The following LSS variants were observed in gnomAD, a reference collection of about 807,000 sequenced individuals.
The protein encoded by LSS is lanosterol synthase, also known as 2,3-epoxysqualene-lanosterol cyclase.
Under a neutral mutation model 110.3 loss-of-function variants are expected in LSS, and 90 were observed. The ratio of observed to expected loss-of-function variants is 0.82; its 90% confidence interval spans 0.69 to 0.97. LSS has a LOEUF of 0.97. Among genes scored for constraint, LSS ranks in the 50% least tolerant of loss-of-function variants. The probability of loss-of-function intolerance (pLI) is 0.00; values close to 1 mark genes in which losing one functional copy is unlikely to be tolerated. For missense variants in LSS, 927 were observed against 990.0 expected, an observed-to-expected ratio of 0.94 and a Z score of 0.85; for synonymous variants, 433 against 400.0, an observed-to-expected ratio of 1.08 and a Z score of -0.98.
intron 11 of LSS, among the ~76,000 whole-genome samples, chr21:46,211,264 T>C (rs899872291): frequency 3.9e-5 from 6 of 152,196 alleles, no homozygotes; most frequent in African/African-American, 7.2e-5. Context: ...GTAGCTGGGA[T>C]TACAGGCTCC....
At chr21:46,192,090 C>T in intron 20 of LSS, 131 bp from the exon 21 acceptor site, 1 of 731,304 alleles carries the variant, frequency 1.4e-6, no homozygotes, top group South Asian at 1.5e-5. Flanking sequence ...AAACTGACGC[C>T]CACAGGCCCC....
At chr21:46,195,354 G>A (rs538336968) in intron 19 of LSS, among the ~76,000 whole-genome samples, 2 of 152,318 alleles carry the variant, frequency 1.3e-5, no homozygotes, top group South Asian at 4.1e-4. Flanking sequence ...GCCGAGGTAG[G>A]AAGACTGCTT....
intron 3 of LSS, among the ~76,000 whole-genome samples, chr21:46,224,035 C>T (rs537440723): frequency 6.6e-6 from 1 of 152,312 alleles, no homozygotes; most frequent in South Asian, 2.1e-4. Flanking sequence ...GGCCTGTCTC[C>T]CTGTGATGCT....
chr21:46,210,500 C>A (rs965230534), intron 12 of LSS, among the ~76,000 whole-genome samples, 188 bp downstream of exon 12: 2 of 152,162 alleles, frequency 1.3e-5, no homozygotes, highest in African/African-American at 4.8e-5. Context: ...AGCCCAACAC[C>A]CAAGGCTGCT....
chr21:46,198,829 C>CAAAAAAAAAAAAAAAAAAAAA (rs35148484), intron 17 of LSS, among the ~76,000 whole-genome samples: 1 of 73,470 alleles, frequency 1.4e-5, no homozygotes, highest in Non-Finnish European at 2.4e-5. Context: ...CATCCACATG[C>CAAAAAAAAAAAAAAAAAAAAA]AAAAAAAAAA....
intron 6 of LSS, 95 bp downstream of exon 6, chr21:46,219,381 C>A: frequency 1.3e-6 from 1 of 793,446 alleles, no homozygotes; most frequent in Non-Finnish European, 1.9e-6. Flanking sequence ...CCACCCCTCT[C>A]TGCTGTCACA....
chr21:46,215,085 A>C, intron 9 of LSS, 95 bp downstream of exon 9: 2 of 991,950 alleles, frequency 2.0e-6, no homozygotes, highest in Non-Finnish European at 3.1e-6. Context: ...GGCTCCAGGA[A>C]ACCCCACTCC....
At chr21:46,208,335 G>A (rs2080081259) in intron 13 of LSS, 34 bp from the exon 14 acceptor site, 1 of 1,539,612 alleles carries the variant, frequency 6.5e-7, no homozygotes, top group Non-Finnish European at 8.8e-7. Flanking sequence ...TGGAAGCAGA[G>A]AACACGTCAC....
rs2080104751 is a variant in LSS, at chr21:46,209,767, G to A, written c.1195-142C>T. 2 of 663,612 alleles carry A rather than the reference G, an allele frequency of 3.0e-6. No homozygotes were observed. The highest frequency in any genetic ancestry group is 3.7e-5 in the South Asian group (2 of 53,814). The allele number at this position is 663,612 out of a possible 1,614,324, so 41.1% of individuals were successfully genotyped here. On this transcript the variant is annotated intron_variant, in intron 12 of 21. Transcript: ENST00000397728. The surrounding 1 kb of genome is among the most constrained non-coding windows in gnomAD (Gnocchi z 4.4). The stretch of plus-strand genomic sequence containing the variant: ...AGCAGACATCTCCAGAGAGTGCCAG[G>A]GTCTCCTGCTGCACTTACCTTTAAA...
In LSS at chr21:46,194,679, A is replaced by G; in HGVS notation, c.1818-18T>C. The G allele has an allele frequency of 1.9e-6, 3 of 1,606,850 alleles. No individual in the cohort carries two copies. The highest frequency in any genetic ancestry group is 2.5e-6 in the Non-Finnish European group (3 of 1,178,398). On this transcript the variant is annotated intron_variant, in intron 19 of 21. Coordinates refer to ENST00000397728, the MANE Select transcript of LSS (RefSeq NM_002340.6). ...AGGCAGTCCTGCAAAGACCAGAGAC[A>G]GGAGACACCATCACACCAAGGAAGG... is the stretch of plus-strand genomic sequence containing the variant.
intron 9 of LSS, 138 bp from the exon 10 acceptor site, chr21:46,213,973 T>G: frequency 1.5e-6 from 1 of 664,694 alleles, no homozygotes; most frequent in African/African-American, 1.8e-5. Context: ...AGGGGCCTTC[T>G]GCTCTAACAG....
chr21:46,228,278 C>T (rs1353956202), intron 2 of LSS, among the ~76,000 whole-genome samples, 156 bp downstream of exon 2: 4 of 152,248 alleles, frequency 2.6e-5, no homozygotes, highest in African/African-American at 7.2e-5. Flanking sequence ...GGGGCTGAAG[C>T]GGAGGGGCCC....
rs2075906 is a variant in LSS, at chr21:46,205,630, C to T, written c.1670+206G>A. Among the ~76,000 whole-genome samples, 130,372 of 152,270 alleles carry T rather than the reference C, an allele frequency of 0.86. 56,413 individuals carry two copies. The highest frequency in any genetic ancestry group is 0.93 in the African/African-American group (38,554 of 41,562). On this transcript the variant is annotated intron_variant, in intron 17 of 21. Coordinates refer to ENST00000397728, the MANE Select transcript of LSS (RefSeq NM_002340.6). The stretch of plus-strand genomic sequence containing the variant: ...AGAGAGAGAAAATCCATTTTTGTAT[C>T]ATAACTGTGCTATTCTGAGCCCCTA...
intron 20 of LSS, chr21:46,192,468 G>T (rs1284028686): frequency 8.8e-6 from 4 of 454,190 alleles, no homozygotes; most frequent in Non-Finnish European, 8.8e-6. Flanking sequence ...TCCCCAAATG[G>T]CCACAAACCT....
In LSS at chr21:46,216,286, G is replaced by A; in HGVS notation, c.783+103C>T. On this transcript the variant is annotated intron_variant, in intron 7 of 21. Transcript: ENST00000397728. This position sits in a 1 kb window ranked among gnomAD's most constrained non-coding sequence, Gnocchi z 4.2. ...GCTCCACAGGGCTCTCCGCTCCACAGGGCCACCAGGTGAGTGGACAGGTGT... is the reference window on the plus strand; with the variant it reads ...GCTCCACAGGGCTCTCCGCTCCACAAGGCCACCAGGTGAGTGGACAGGTGT... 1 of 1,462,790 alleles carries A rather than the reference G, an allele frequency of 6.8e-7. No individual in the cohort carries two copies. The highest frequency in any genetic ancestry group is 9.5e-7 in the Non-Finnish European group (1 of 1,054,696). The allele number at this position is 1,462,790 out of a possible 1,614,324, so 90.6% of individuals were successfully genotyped here. A position where few individuals can be genotyped will look rare whatever the true frequency, so the allele number is the denominator to read the frequency against.
chr21:46,189,524 T>C lies in LSS; in HGVS notation c.*1580A>G. 1 of 382,090 alleles carries C rather than the reference T, an allele frequency of 2.6e-6. No individual in the cohort carries two copies. The highest frequency in any genetic ancestry group is 5.2e-6 in the Non-Finnish European group (1 of 191,338). The allele number at this position is 382,090 out of a possible 1,614,324, so 23.7% of individuals were successfully genotyped here. A position where few individuals can be genotyped will look rare whatever the true frequency, so the allele number is the denominator to read the frequency against. ...GCAGGCGAGTCCCAAGGAGAGTCAG[T>C]GACAGCACATGGGGCAAGGGAGCTG... On this transcript the variant is annotated 3_prime_UTR_variant, in exon 22 of 22. Transcript: ENST00000397728.
rs1440010217 is a variant in LSS, at chr21:46,209,883, C to A, written c.1195-258G>T. 9.9e-5 allele frequency among the ~76,000 whole-genome samples: 15 copies of A among 152,172 alleles called. No individual in the cohort carries two copies. The highest frequency in any genetic ancestry group is 9.2e-4 in the Admixed American group (14 of 15,282). On this transcript the variant is annotated intron_variant, in intron 12 of 21. Transcript: ENST00000397728. The surrounding 1 kb of genome is among the most constrained non-coding windows in gnomAD (Gnocchi z 4.4). ...TGCCAGCACCCCCCTGCCTGGCCAG[C>A]ATCCATGCCCAGAGGGTCTCCAGCA... is the stretch of plus-strand genomic sequence containing the variant.
In LSS at chr21:46,215,751, G is replaced by A; in HGVS notation, c.826C>T (p.Gln276Ter). Residue 276 changes from glutamine to a stop codon, truncating the protein, a stop_gained, in exon 8 of 22, where the codon CAG becomes TAG. Transcript: ENST00000397728. LOFTEE classifies it high-confidence loss of function. ...TCGTCGGGGGCCACGTTGTTCCTCT[G>A]CGCCAGCCAGTCAATGCTGGCGAAG... ...EDFASIDWLA[Q>*]RNNVAPDELY... is the part of the protein sequence containing the mutation. 1.2e-6 allele frequency: 2 copies of A among 1,612,698 alleles called. No homozygotes were observed. The highest frequency in any genetic ancestry group is 1.7e-6 in the Non-Finnish European group (2 of 1,179,448).
chr21:46,222,540 C>T (rs1201624777), intron 4 of LSS, 90 bp downstream of exon 4: 65 of 1,173,198 alleles, frequency 5.5e-5, no homozygotes, highest in Admixed American at 1.8e-4. Context: ...ACTCCTAACC[C>T]CTGGCAGCTG....
Sources: gnomAD v4.1 joint callset for allele counts (sites outside exome capture counted in the v4.1 genomes callset) on GRCh38, gnomAD v4.1.1 for gene constraint, Gnocchi (gnomAD v3.1) non-coding constraint, MANE v1.5 for transcripts, NCBI Gene and HGNC (gene_info 2026-07-23, HGNC 2026-07-21) for gene names.